Variants in TRAF3IP2 observed in about 807,000 individuals in gnomAD.
TRAF3IP2 encodes the protein TRAF3 interacting protein 2, also known as E3 ubiquitin ligase TRAF3IP2.
In TRAF3IP2, 35 loss-of-function variants were observed where a neutral mutation model predicts 57.9. That is an observed-to-expected ratio of 0.60 (90% CI 0.46 to 0.80). The LOEUF (loss-of-function observed/expected upper bound fraction) is 0.80. TRAF3IP2 is among the 30% of genes least tolerant of loss of function. The probability of loss-of-function intolerance (pLI) is 0.00; values close to 1 mark genes in which losing one functional copy is unlikely to be tolerated. For synonymous variants in TRAF3IP2, 251 were observed against 268.9 expected (o/e 0.93, Z 0.65); for missense variants, 556 against 706.4 (o/e 0.79, Z 2.41).
intron 4 of TRAF3IP2, 50 bp from the exon 5 acceptor site, chr6:111,573,033 G>T: frequency 7.3e-7 from 1 of 1,376,600 alleles, no homozygotes; most frequent in Non-Finnish European, 1.0e-6. Context: ...TTATTCTATT[G>T]TAAACAAACT....
rs1334700948 is a variant in TRAF3IP2, at chr6:111,587,844, T to C, written c.829+3414A>G. Among the ~76,000 whole-genome samples, 3 of 152,366 alleles carry C rather than the reference T, an allele frequency of 2.0e-5. No individual in the cohort carries two copies. The East Asian group carries it at 5.8e-4, about 29-fold the overall frequency. On this transcript the variant is annotated intron_variant, in intron 2 of 8. Coordinates refer to ENST00000368761, the MANE Select transcript of TRAF3IP2 (RefSeq NM_147686.4). ...CACAAATGACTTATCTGGCCCCTTA[T>C]TGATAGGCATTGTAATTGTTTTTGT...
intron 1 of TRAF3IP2, among the ~76,000 whole-genome samples, chr6:111,599,716 A>G (rs1050809759): frequency 6.6e-6 from 1 of 152,120 alleles, no homozygotes; most frequent in African/African-American, 2.4e-5. Context: ...AGAGTTCACC[A>G]AAAAGCTTTT....
At chr6:111,565,749 T>C (rs1305611168) in intron 7 of TRAF3IP2, among the ~76,000 whole-genome samples, 1 of 152,234 alleles carries the variant, frequency 6.6e-6, no homozygotes, top group Non-Finnish European at 1.5e-5. Flanking sequence ...TTTAATATCC[T>C]AAATGTCTCC....
At chr6:111,573,053 T>A in intron 4 of TRAF3IP2, 70 bp from the exon 5 acceptor site, 5 of 1,210,416 alleles carry the variant, frequency 4.1e-6, no homozygotes, top group Non-Finnish European at 6.0e-6. Context: ...TTCTAAATTA[T>A]ATGCAATATC....
At chr6:111,589,347 G>GGT (rs752504403) in intron 2 of TRAF3IP2, among the ~76,000 whole-genome samples, 1 of 152,052 alleles carries the variant, frequency 6.6e-6, no homozygotes, top group Non-Finnish European at 1.5e-5. Context: ...TACAAAGTGG[G>GGT]GTGAGCCACC....
At chr6:111,600,970 A>G in intron 1 of TRAF3IP2, 1 of 411,674 alleles carries the variant, frequency 2.4e-6, no homozygotes. Flanking sequence ...AGACAGGAAA[A>G]GCAAGGCATA....
intron 6 of TRAF3IP2, chr6:111,567,243 C>T (rs955583749): frequency 1.5e-5 from 15 of 1,015,398 alleles, no homozygotes; most frequent in Non-Finnish European, 1.6e-5. Context: ...GTGCAGCCTG[C>T]GAGGCTGCCT....
Position 111,580,514 on chromosome 6 carries a change from A to G in TRAF3IP2, c.830-125T>C. 3 of 713,204 alleles carry G rather than the reference A, an allele frequency of 4.2e-6. No homozygotes were observed. In the South Asian group the frequency reaches 1.2e-4, roughly 28 times the overall value. The allele number at this position is 713,204 out of a possible 1,614,324, so 44.2% of individuals were successfully genotyped here. ...CTGAGGGGTCCAGATATCTGTTACC[A>G]CCTCTGTGATGTTTGCCGTATTTCT... On this transcript the variant is annotated intron_variant, in intron 2 of 8. Transcript: ENST00000368761.
chr6:111,595,655 C>G (rs1479934452), intron 1 of TRAF3IP2, among the ~76,000 whole-genome samples: 1 of 152,036 alleles, frequency 6.6e-6, no homozygotes, highest in Admixed American at 6.6e-5. Context: ...TGGTGAAACC[C>G]CGCCTCTACT....
intron 5 of TRAF3IP2, among the ~76,000 whole-genome samples, chr6:111,569,337 C>G (rs1324773003): frequency 6.6e-6 from 1 of 152,218 alleles, no homozygotes; most frequent in African/African-American, 2.4e-5. Flanking sequence ...CTCTCTAAAT[C>G]TTATCTTCAC....
Position 111,580,388 on chromosome 6 carries a change from A to G in TRAF3IP2, c.831T>C (p.Tyr277=). ...CPGSPDHQVP[Y]GHDYPRAAYQ... The stretch of plus-strand genomic sequence containing the variant: ...AGGCTGCTCGAGGGTAGTCATGGCC[A>G]TCTGTAGGTGAAGACAACAAAGACA... Residue 277 remains tyrosine (Y), a splice_region_variant and synonymous_variant, in exon 3 of 9, where the codon TAT becomes TAC. Transcript: ENST00000368761. The G allele has an allele frequency of 6.5e-7, 1 of 1,543,850 alleles. No individual in the cohort carries two copies. Among genetic ancestry groups the G allele is most frequent in the Non-Finnish European group, 8.7e-7 (1 of 1,151,050 alleles).
At chr6:111,585,568 T>C (rs1796302345) in intron 2 of TRAF3IP2, among the ~76,000 whole-genome samples, 1 of 152,196 alleles carries the variant, frequency 6.6e-6, no homozygotes, top group African/African-American at 2.4e-5. Flanking sequence ...TGTCTGTGGG[T>C]GTCTGTTTTT....
chr6:111,602,305 G>GTTTTT (rs146432308), intron 1 of TRAF3IP2: 1 of 142,926 alleles, frequency 7.0e-6, no homozygotes, highest in African/African-American at 2.6e-5. Flanking sequence ...ACCAGCCCAT[G>GTTTTT]TTTTTTTTTT....
intron 1 of TRAF3IP2, among the ~76,000 whole-genome samples, chr6:111,604,522 A>G (rs1205346798): frequency 2.0e-5 from 3 of 152,256 alleles, no homozygotes; most frequent in Admixed American, 6.5e-5. Flanking sequence ...CAAATGGGAC[A>G]TGAACTAATT....
At chr6:111,571,763 A>G (rs548985485) in intron 5 of TRAF3IP2, among the ~76,000 whole-genome samples, 10 of 152,086 alleles carry the variant, frequency 6.6e-5, no homozygotes, top group South Asian at 6.2e-4. Context: ...CATCTCTACT[A>G]AAAATACACA....
intron 1 of TRAF3IP2, among the ~76,000 whole-genome samples, chr6:111,592,515 C>T (rs375714366): frequency 2.0e-5 from 3 of 152,016 alleles, no homozygotes; most frequent in African/African-American, 4.8e-5. Context: ...AAAAGCCAGG[C>T]GCAGAGCAGT....
At chr6:111,572,655 T>C (rs1294780012) in intron 5 of TRAF3IP2, 1 of 506,508 alleles carries the variant, frequency 2.0e-6, no homozygotes, top group African/African-American at 1.9e-5. Flanking sequence ...AGCACTGATC[T>C]TGCTGTTCAG....
Position 111,591,438 on chromosome 6 carries a change from G to T in TRAF3IP2, c.649C>A (p.Pro217Thr), listed in dbSNP as rs139282334. Residue 217 changes from proline to threonine, a missense_variant, in exon 2 of 9, where the codon CCC becomes ACC. Coordinates refer to ENST00000368761, the MANE Select transcript of TRAF3IP2 (RefSeq NM_147686.4). This position sits in a 1 kb window ranked among gnomAD's most constrained non-coding sequence, Gnocchi z 4.9. ...TGGGGGTAACACACGGAGGTGAGGG[G>T]CAGGGGCCTTTCCAGCTGCCTGATG... is the stretch of plus-strand genomic sequence containing the variant. ...LGIRQLERPL[P>T]LTSVCYPQDL... 11,907 of 1,581,822 alleles carry T rather than the reference G, an allele frequency of 7.5e-3. 50 individuals carry two copies. Among genetic ancestry groups the T allele is most frequent in the Non-Finnish European group, 9.0e-3 (10,455 of 1,163,074 alleles).
rs368757476 is a variant in TRAF3IP2 at position 111,591,920 on chromosome 6, G to A, written c.167C>T (p.Ser56Phe). 6.1e-5 allele frequency: 99 copies of A among 1,614,106 alleles called. No individual in the cohort carries two copies. Among genetic ancestry groups the A allele is most frequent in the South Asian group, 1.1e-4 (10 of 91,086 alleles). ...SLSAPTMLHN[S>F]SGDFSQAHST... is the part of the protein sequence containing the mutation. ...GTGAGCTTGAGAAAAGTCTCCGGAG[G>A]AATTGTGAAGCATTGTGGGTGCAGA... is the stretch of plus-strand genomic sequence containing the variant. The change falls in exon 2 of 9, where the codon TCC (serine) becomes TTC (phenylalanine). Residue 56 changes from serine (S) to phenylalanine (F), a missense_variant. This residue lies in a region of TRAF3IP2 where 428 missense variants were observed against 498.7 expected (regional missense o/e 0.86). Coordinates refer to ENST00000368761, the MANE Select transcript of TRAF3IP2 (RefSeq NM_147686.4). This position sits in a 1 kb window ranked among gnomAD's most constrained non-coding sequence, Gnocchi z 4.9.
Sources: allele counts gnomAD v4.1 joint callset (sites outside exome capture counted in the v4.1 genomes callset), GRCh38; gene constraint gnomAD v4.1.1; regional missense constraint gnomAD v4.1.1; non-coding constraint Gnocchi (gnomAD v3.1); transcripts MANE v1.5; gene names NCBI Gene and HGNC (gene_info 2026-07-23, HGNC 2026-07-21).